Variants in MAGEE1 observed in about 807,000 individuals in gnomAD.
MAGEE1 encodes the protein MAGE family member E1.
MAGEE1 carries 3 observed loss-of-function variants against 12.0 expected under a neutral mutation model. The ratio of observed to expected loss-of-function variants is 0.25; its 90% CI spans 0.11 to 0.65. MAGEE1 has a LOEUF of 0.65. Among genes scored for constraint, MAGEE1 ranks in the 30% least tolerant of loss-of-function variants. MAGEE1 has a pLI of 0.84. For synonymous variants in MAGEE1, 414 were observed against 326.1 expected, an observed-to-expected ratio of 1.27 and a Z score of -2.91; for missense variants, 729 against 772.2, an observed-to-expected ratio of 0.94 and a Z score of 0.66.
rs1357125580 is a variant in MAGEE1 at position 76,428,146 on chromosome X, C to T, written c.216C>T (p.Ser72=). The change falls in exon 1 of 1, where the codon TCC becomes TCT. Residue 72 remains serine, a synonymous_variant. Transcript: ENST00000361470. Reference sequence around the variant, plus strand: ...CAAGCACCTCCGTTCTGCCCACCTCCGCTGAGGGCCCAAGCACCTTTGTGC... The same window carrying T: ...CAAGCACCTCCGTTCTGCCCACCTCTGCTGAGGGCCCAAGCACCTTTGTGC... The part of the protein sequence containing the change: ...EGPSTSVLPT[S]AEGPSTFVPP... The T allele has an allele frequency of 8.3e-7, 1 of 1,200,916 alleles. No individual in the cohort carries two copies.
In MAGEE1 at chrX:76,430,339, G is replaced by T; in HGVS notation, c.2409G>T (p.Val803=). 8.3e-7 allele frequency: 1 copy of T among 1,211,924 alleles called. No homozygotes were observed. The change falls in exon 1 of 1, where the codon GTG becomes GTT. Residue 803 remains valine, a synonymous_variant. Transcript: ENST00000361470. The part of the protein sequence containing the change: ...TLNHVYGTEL[V]VLDPRNHSYT... Reference sequence around the variant, plus strand: ...ACCATGTCTATGGGACAGAACTAGTGGTACTTGATCCCAGGAATCACTCCT... The same window carrying T: ...ACCATGTCTATGGGACAGAACTAGTTGTACTTGATCCCAGGAATCACTCCT...
rs367994587 is a variant in MAGEE1, at chrX:76,429,152, C to T, written c.1222C>T (p.Pro408Ser). Residue 408 changes from proline to serine, a missense_variant, in exon 1 of 1, where the codon CCT (proline) becomes TCT (serine). Around this residue, in one of 4 missense-constraint regions of MAGEE1, gnomAD observed 473 missense variants for 423.7 expected, o/e 1.12. Coordinates refer to ENST00000361470, the MANE Select transcript of MAGEE1 (RefSeq NM_020932.3). ...DGPGSSVLPN[P>S]GEGPSTLFSS... ...ACCGGGAAGCTCCGTGCTGCCTAAC[C>T]CTGGTGAGGGCCCGAGCACATTGTT... 7.4e-6 allele frequency: 9 copies of T among 1,211,121 alleles called. No individual in the cohort carries two copies. The highest frequency in any genetic ancestry group is 2.2e-5 in the Admixed American group (1 of 46,034).
At position 76,428,996 on chromosome X, in the gene MAGEE1, G is replaced by C; in HGVS notation, c.1066G>C (p.Val356Leu). Residue 356 changes from valine (V) to leucine (L), a missense_variant, in exon 1 of 1, where the codon GTA becomes CTA. By Grantham distance (32) the Val-to-Leu change is conservative. Transcript: ENST00000361470. ...TCCCGGTGAGGGACCAAGCACTTCC[G>C]TACTGCCAATCCCCGGTGAGGGACT... is the stretch of plus-strand genomic sequence containing the variant. ...PTPGEGPSTS[V>L]LPIPGEGLST... The C allele has an allele frequency of 8.3e-7, 1 of 1,211,309 alleles. No individual in the cohort carries two copies. The highest frequency in any genetic ancestry group is 1.1e-6 in the Non-Finnish European group (1 of 895,381).
Position 76,429,806 on chromosome X carries a change from A to G in MAGEE1, c.1876A>G (p.Arg626Gly). ...RRLSIFGNPK[R>G]LLSVEFVWQR... is the part of the protein sequence containing the mutation. Reference sequence around the variant, plus strand: ...GCTTTCCATTTTTGGGAACCCAAAGAGACTTCTGTCTGTGGAGTTTGTATG... The same window carrying G: ...GCTTTCCATTTTTGGGAACCCAAAGGGACTTCTGTCTGTGGAGTTTGTATG... The change falls in exon 1 of 1, where the codon AGA (arginine) becomes GGA (glycine). Residue 626 changes from arginine (R) to glycine (G), a missense_variant. Arg to Gly is a moderately radical substitution (Grantham distance 125). Transcript: ENST00000361470. 8.3e-7 allele frequency: 1 copy of G among 1,211,699 alleles called. No individual in the cohort carries two copies. Among genetic ancestry groups the G allele is most frequent in the Non-Finnish European group, 1.1e-6 (1 of 895,502 alleles).
chrX:76,428,713 G>T lies in MAGEE1; in HGVS notation c.783G>T (p.Pro261=). ...ATGAGGGACCGAGCACCTCCGTGCC[G>T]GCCACTCCTGGTGAGGGACCGAGCA... is the stretch of plus-strand genomic sequence containing the variant. The part of the protein sequence containing the change: ...TRDEGPSTSV[P]ATPGEGPSTS... Residue 261 remains proline, a synonymous_variant, in exon 1 of 1, where the codon CCG becomes CCT. Transcript: ENST00000361470. 8.3e-7 allele frequency: 1 copy of T among 1,210,168 alleles called. No individual in the cohort carries two copies. The highest frequency in any genetic ancestry group is 1.7e-5 in the African/African-American group (1 of 57,575).
At position 76,428,163 on chromosome X, in the gene MAGEE1, C is replaced by T. The variant is rs1309662302; in HGVS notation, c.233C>T (p.Thr78Ile). ...VLPTSAEGPSTFVPPTISEAS... is the reference protein window; with the variant it reads ...VLPTSAEGPSIFVPPTISEAS... ...CCCACCTCCGCTGAGGGCCCAAGCA[C>T]CTTTGTGCCGCCCACCATCTCTGAG... The change falls in exon 1 of 1, where the codon ACC becomes ATC. Residue 78 changes from threonine to isoleucine, a missense_variant. Transcript: ENST00000361470. The T allele has an allele frequency of 7.5e-6, 9 of 1,205,834 alleles. No homozygotes were observed. The Middle Eastern group carries it at 1.1e-3, about 153-fold the overall frequency.
Position 76,431,055 on chromosome X carries a change from T to G in MAGEE1, c.*251T>G, listed in dbSNP as rs1923373889. The G allele has an allele frequency of 3.0e-6, 1 of 334,888 alleles. No homozygotes were observed. Among genetic ancestry groups the G allele is most frequent in the African/African-American group, 2.6e-5 (1 of 37,852 alleles). 27.6% of individuals were successfully genotyped at this position (334,888 alleles called of 1,213,427 possible). A position where few individuals can be genotyped will look rare whatever the true frequency, so the allele number is the denominator to read the frequency against. On this transcript the variant is annotated 3_prime_UTR_variant, in exon 1 of 1. Transcript: ENST00000361470. Reference sequence around the variant, plus strand: ...ATTTTGGTATGAGTTTTGATAGCTCTATAAAATGTTTTGGAAATCTTTCCA... The same window carrying G: ...ATTTTGGTATGAGTTTTGATAGCTCGATAAAATGTTTTGGAAATCTTTCCA...
chrX:76,429,166 G>T lies in MAGEE1; in HGVS notation c.1236G>T (p.Pro412=), dbSNP rs181766933. 39 of 1,211,107 alleles carry T rather than the reference G, an allele frequency of 3.2e-5. No homozygotes were observed. The East Asian group carries it at 1.1e-3, about 35-fold the overall frequency. The stretch of plus-strand genomic sequence containing the variant: ...TGCTGCCTAACCCTGGTGAGGGCCC[G>T]AGCACATTGTTTAGCTCTAGTGCTT... ...SSVLPNPGEG[P]STLFSSSASV... is the part of the protein sequence containing the mutation. Residue 412 remains proline, a synonymous_variant, in exon 1 of 1, where the codon CCG becomes CCT. Transcript: ENST00000361470.
chrX:76,428,889 T>A lies in MAGEE1; in HGVS notation c.959T>A (p.Val320Glu). ...GCTGGTGAGGGATCGAGCACCTCCG[T>A]GCCGCCCACCCCTGGTGGGGGACTG... is the stretch of plus-strand genomic sequence containing the variant. Reference protein sequence around the residue: ...PTAGEGSSTSVPPTPGGGLST... With the variant: ...PTAGEGSSTSEPPTPGGGLST... Residue 320 changes from valine to glutamate, a missense_variant, in exon 1 of 1, where the codon GTG becomes GAG. Around this residue, in one of 4 missense-constraint regions of MAGEE1, gnomAD observed 473 missense variants for 423.7 expected, o/e 1.12. Transcript: ENST00000361470. 1 of 1,209,993 alleles carries A rather than the reference T, an allele frequency of 8.3e-7. No homozygotes were observed. Among genetic ancestry groups the A allele is most frequent in the Non-Finnish European group, 1.1e-6 (1 of 894,844 alleles).
Position 76,429,728 on chromosome X carries a change from G to A in MAGEE1, c.1798G>A (p.Glu600Lys). Residue 600 changes from glutamate (E) to lysine (K), a missense_variant, in exon 1 of 1, where the codon GAG becomes AAG. This residue lies in a region of MAGEE1 where 91 missense variants were observed against 133.8 expected (regional missense o/e 0.68). Coordinates refer to ENST00000361470, the MANE Select transcript of MAGEE1 (RefSeq NM_020932.3). ...ATTCCTGAATGGCAACCAAGCCAAG[G>A]AGGCTGAGATTTGGGAAATGCTCTG... is the stretch of plus-strand genomic sequence containing the variant. Reference protein sequence around the residue: ...QIFLNGNQAKEAEIWEMLWRM... With the variant: ...QIFLNGNQAKKAEIWEMLWRM... The A allele has an allele frequency of 8.3e-7, 1 of 1,211,478 alleles. No homozygotes were observed. Among genetic ancestry groups the A allele is most frequent in the Non-Finnish European group, 1.1e-6 (1 of 895,457 alleles).
In MAGEE1 at chrX:76,428,774, A is replaced by T. The variant is rs1556839440; in HGVS notation, c.844A>T (p.Ile282Phe). The T allele has an allele frequency of 8.3e-7, 1 of 1,209,206 alleles. No individual in the cohort carries two copies. The highest frequency in any genetic ancestry group is 1.8e-5 in the South Asian group (1 of 56,899). ...VLPAASDGQS[I>F]SLVPTRGKGS... ...GCCCGCCGCCTCTGACGGACAAAGC[A>T]TCTCCTTGGTGCCCACCCGCGGTAA... The change falls in exon 1 of 1, where the codon ATC (isoleucine) becomes TTC (phenylalanine). Residue 282 changes from isoleucine to phenylalanine, a missense_variant. Ile to Phe is a conservative substitution (Grantham distance 21). Around this residue, in one of 4 missense-constraint regions of MAGEE1, gnomAD observed 473 missense variants for 423.7 expected, o/e 1.12. Transcript: ENST00000361470.
rs1556839448 is a variant in MAGEE1 at position 76,428,793 on chromosome X, G to A, written c.863G>A (p.Arg288His). 3.4e-6 allele frequency: 4 copies of A among 1,166,032 alleles called. No homozygotes were observed. The highest frequency in any genetic ancestry group is 4.6e-6 in the Non-Finnish European group (4 of 877,303). ...CAAAGCATCTCCTTGGTGCCCACCC[G>A]CGGTAAGGGATCAAGCACCTCCGTG... ...DGQSISLVPT[R>H]GKGSSTSVPP... The change falls in exon 1 of 1, where the codon CGC becomes CAC. Residue 288 changes from arginine (R) to histidine (H), a missense_variant. This residue lies in a region of MAGEE1 where 473 missense variants were observed against 423.7 expected (regional missense o/e 1.12). Transcript: ENST00000361470.
chrX:76,430,834 C>A lies in MAGEE1; in HGVS notation c.*30C>A. 2 of 874,483 alleles carry A rather than the reference C, an allele frequency of 2.3e-6. No homozygotes were observed. Among genetic ancestry groups the A allele is most frequent in the Non-Finnish European group, 3.1e-6 (2 of 655,157 alleles). The allele number at this position is 874,483 out of a possible 1,213,427, so 72.1% of individuals were successfully genotyped here. Reference sequence around the variant, plus strand: ...ATGCATGGCAGTCAGAGGGGCCTTGCAAGGAGGGGCCTTTGAGCCTCAGTT... The same window carrying A: ...ATGCATGGCAGTCAGAGGGGCCTTGAAAGGAGGGGCCTTTGAGCCTCAGTT... On this transcript the variant is annotated 3_prime_UTR_variant, in exon 1 of 1. Transcript: ENST00000361470.
In MAGEE1 at chrX:76,428,621, G is replaced by A. The variant is rs781840552; in HGVS notation, c.691G>A (p.Gly231Arg). 8.3e-7 allele frequency: 1 copy of A among 1,209,375 alleles called. No homozygotes were observed. Among genetic ancestry groups the A allele is most frequent in the Admixed American group, 2.2e-5 (1 of 45,937 alleles). Residue 231 changes from glycine to arginine, a missense_variant, in exon 1 of 1, where the codon GGA becomes AGA. Around this residue, in one of 4 missense-constraint regions of MAGEE1, gnomAD observed 473 missense variants for 423.7 expected, o/e 1.12. Transcript: ENST00000361470. ...CTCCGTGCAGGCCACTCCTGATGAG[G>A]GACCGAGCACCTCCGTGCCGCCCAC... ...STSVQATPDE[G>R]PSTSVPPTAT...
In MAGEE1 at chrX:76,428,240, G is replaced by A. The variant is rs1452304910; in HGVS notation, c.310G>A (p.Val104Met). ...PTISEGPGTS[V>M]LPTPSEGLST... ...CATCTCTGAGGGACCTGGCACCTCC[G>A]TGCTGCCCACCCCCAGTGAGGGCCT... The change falls in exon 1 of 1, where the codon GTG becomes ATG. Residue 104 changes from valine to methionine, a missense_variant. Val to Met is a conservative substitution (Grantham distance 21). Around this residue, in one of 4 missense-constraint regions of MAGEE1, gnomAD observed 473 missense variants for 423.7 expected, o/e 1.12. Coordinates refer to ENST00000361470, the MANE Select transcript of MAGEE1 (RefSeq NM_020932.3). 1 of 1,211,773 alleles carries A rather than the reference G, an allele frequency of 8.3e-7. No individual in the cohort carries two copies. Among genetic ancestry groups the A allele is most frequent in the East Asian group, 3.0e-5 (1 of 33,830 alleles).
At position 76,428,883 on chromosome X, in the gene MAGEE1, C is replaced by T; in HGVS notation, c.953C>T (p.Thr318Ile). 8.3e-7 allele frequency: 1 copy of T among 1,210,279 alleles called. No homozygotes were observed. Among genetic ancestry groups the T allele is most frequent in the Non-Finnish European group, 1.1e-6 (1 of 894,911 alleles). The change falls in exon 1 of 1, where the codon ACC becomes ATC. Residue 318 changes from threonine (T) to isoleucine (I), a missense_variant. Thr to Ile is a moderately conservative substitution (Grantham distance 89). This residue lies in a region of MAGEE1 where 473 missense variants were observed against 423.7 expected (regional missense o/e 1.12). Coordinates refer to ENST00000361470, the MANE Select transcript of MAGEE1 (RefSeq NM_020932.3). Reference sequence around the variant, plus strand: ...CCCACTGCTGGTGAGGGATCGAGCACCTCCGTGCCGCCCACCCCTGGTGGG... The same window carrying T: ...CCCACTGCTGGTGAGGGATCGAGCATCTCCGTGCCGCCCACCCCTGGTGGG... ...VQPTAGEGSSTSVPPTPGGGL... is the reference protein window; with the variant it reads ...VQPTAGEGSSISVPPTPGGGL...
At position 76,429,230 on chromosome X, in the gene MAGEE1, C is replaced by A. The variant is rs1923320368; in HGVS notation, c.1300C>A (p.Pro434Thr). Residue 434 changes from proline to threonine, a missense_variant, in exon 1 of 1, where the codon CCA becomes ACA. Transcript: ENST00000361470. The part of the protein sequence containing the change: ...RNPSKCSLVL[P>T]SPRVTKASVD... The stretch of plus-strand genomic sequence containing the variant: ...CCCCTCCAAGTGTTCCCTTGTTTTG[C>A]CAAGCCCTAGGGTAACCAAGGCCTC... 3 of 1,211,868 alleles carry A rather than the reference C, an allele frequency of 2.5e-6. No individual in the cohort carries two copies. In the South Asian group the frequency reaches 5.3e-5, roughly 21 times the overall value.
rs1556839689 is a variant in MAGEE1, at chrX:76,429,457, G to A, written c.1527G>A (p.Lys509=). ...TCCTGCTGGTGAAGGATCAGAGCAA[G>A]TACCCTATCCGGGAGTCTGAAATGC... ...LQFLLVKDQS[K]YPIRESEMRE... Residue 509 remains lysine, a synonymous_variant, in exon 1 of 1, where the codon AAG becomes AAA. Coordinates refer to ENST00000361470, the MANE Select transcript of MAGEE1 (RefSeq NM_020932.3). 10 of 1,210,127 alleles carry A rather than the reference G, an allele frequency of 8.3e-6. No individual in the cohort carries two copies. Among genetic ancestry groups the A allele is most frequent in the Non-Finnish European group, 5.6e-6 (5 of 895,331 alleles).
rs782505095 is a variant in MAGEE1, at chrX:76,430,853, C to T, written c.*49C>T. 8.2e-6 allele frequency: 4 copies of T among 485,980 alleles called. No homozygotes were observed. Among genetic ancestry groups the T allele is most frequent in the Non-Finnish European group, 1.2e-5 (4 of 329,165 alleles). The allele number at this position is 485,980 out of a possible 1,213,427, so 40.1% of individuals were successfully genotyped here. A position where few individuals can be genotyped will look rare whatever the true frequency, so the allele number is the denominator to read the frequency against. ...GCCTTGCAAGGAGGGGCCTTTGAGC[C>T]TCAGTTCTCATGTATTGGGGGGTGG... On this transcript the variant is annotated 3_prime_UTR_variant, in exon 1 of 1. Coordinates refer to ENST00000361470, the MANE Select transcript of MAGEE1 (RefSeq NM_020932.3).
Sources: allele counts gnomAD v4.1 joint callset, GRCh38; gene constraint gnomAD v4.1.1; regional missense constraint gnomAD v4.1.1; transcripts MANE v1.5; gene names NCBI Gene and HGNC (gene_info 2026-07-23, HGNC 2026-07-21).